Variants in LZTS2 observed in about 807,000 individuals in gnomAD.
The protein encoded by LZTS2 is leucine zipper tumor suppressor 2.
Under a neutral mutation model 60.6 loss-of-function variants are expected in LZTS2, and 32 were observed. The ratio of observed to expected loss-of-function variants is 0.53; its 90% confidence interval spans 0.40 to 0.71. The LOEUF (loss-of-function observed/expected upper bound fraction) is 0.71, where lower values mean the gene tolerates loss of function less well. Among genes scored for constraint, LZTS2 ranks in the 30% least tolerant of loss-of-function variants. LZTS2 has a pLI of 0.00. For missense variants in LZTS2, 792 were observed against 901.9 expected (o/e 0.88, Z 1.56); for synonymous variants, 360 against 393.1 (o/e 0.92, Z 1.00).
chr10:101,005,871 G>T (rs917016919), intron 3 of LZTS2, among the ~76,000 whole-genome samples, 156 bp downstream of exon 4: 1 of 152,326 alleles, frequency 6.6e-6, no homozygotes, highest in East Asian at 1.9e-4. Flanking sequence ...TTTCTGGGAG[G>T]GGGGTCTCCT....
At chr10:101,005,858 C>A in intron 3 of LZTS2, 143 bp downstream of exon 4, 2 of 1,191,444 alleles carry the variant, frequency 1.7e-6, no homozygotes, top group Non-Finnish European at 2.3e-6. Flanking sequence ...TCCCCTCTGT[C>A]CCTTTCTGGG....
At chr10:101,006,818 G>A (rs1201927476) in exon 4 of LZTS2, 6 of 1,540,974 alleles carry the variant, frequency 3.9e-6, no homozygotes, top group African/African-American at 2.7e-5. Context: ...CCTCCTGGCA[G>A]AGAGTGATGA....
chr10:101,007,049 C>T (rs750206890), exon 4 of LZTS2: 1 of 1,600,766 alleles, frequency 6.2e-7, no homozygotes, highest in East Asian at 2.3e-5. Flanking sequence ...CAACCGGCAG[C>T]TAGAGCAGGA....
chr10:101,004,007 C>G, exon 2 of LZTS2: 1 of 1,613,154 alleles, frequency 6.2e-7, no homozygotes, highest in Middle Eastern at 1.7e-4. Context: ...CCTCCCCTGA[C>G]AGCAGCTCCT....
chr10:101,006,805 A>G, exon 4 of LZTS2: 1 of 1,544,128 alleles, frequency 6.5e-7, no homozygotes, highest in Non-Finnish European at 8.7e-7. Context: ...CCGCTGACCC[A>G]TTCCTCCTGG....
At chr10:101,006,369 T>G in intron 3 of LZTS2, 116 bp from the exon 5 acceptor site, 1 of 1,446,268 alleles carries the variant, frequency 6.9e-7, no homozygotes, top group Non-Finnish European at 9.1e-7. Flanking sequence ...TGTCTCCATC[T>G]GTAAAATGGG....
At chr10:101,003,036 T>G in intron 1 of LZTS2, 90 bp downstream of exon 2, 8 of 1,357,864 alleles carry the variant, frequency 5.9e-6, no homozygotes, top group Non-Finnish European at 7.9e-6. Flanking sequence ...GAGGAAAGAG[T>G]GTGGGCTCCA....
At chr10:101,004,466 G>A (rs937921362) in intron 2 of LZTS2, among the ~76,000 whole-genome samples, 1 of 152,158 alleles carries the variant, frequency 6.6e-6, no homozygotes, top group Non-Finnish European at 1.5e-5. Context: ...AGCTAAGTGT[G>A]GTGGCATGTA....
In LZTS2 at chr10:101,006,465, C is replaced by A; in HGVS notation, c.1327-20C>A. ...GGAGAACCTGTCTCACCATCCTTCC[C>A]CACTTCCTCCCACCCCCAGGTGTGC... On this transcript the variant is annotated intron_variant, in intron 3 of 3. Coordinates refer to ENST00000370220, the Ensembl canonical transcript of LZTS2. 1 of 1,597,330 alleles carries A rather than the reference C, an allele frequency of 6.3e-7. No homozygotes were observed. The highest frequency in any genetic ancestry group is 1.1e-5 in the South Asian group (1 of 88,902).
At position 101,004,086 on chromosome 10, in the gene LZTS2, G is replaced by C. The variant is rs1197563861; in HGVS notation, c.988G>C (p.Glu330Gln). The C allele has an allele frequency of 1.9e-6, 3 of 1,613,176 alleles. No individual in the cohort carries two copies. In the African/African-American group the frequency reaches 4.0e-5, roughly 22 times the overall value. The stretch of plus-strand genomic sequence containing the variant: ...TGAGGCCCTGCTGCACTGTGTCCTG[G>C]AAGGAAAGCTCCGAGACCGGGAGGC... Residue 330 changes from glutamate (E) to glutamine (Q), a missense_variant, in exon 2 of 4, where the codon GAA (glutamate) becomes CAA (glutamine). Transcript: ENST00000370220.
chr10:101,001,511 C>T (rs1031344266), exon 1 of LZTS2: 3 of 152,268 alleles, frequency 2.0e-5, no homozygotes, highest in Non-Finnish European at 2.9e-5. Flanking sequence ...TTCTTGGCCC[C>T]GCTCTGCATG....
upstream of LZTS2, chr10:100,998,605 G>A (rs1217313337): frequency 1.3e-5 from 2 of 152,266 alleles, no homozygotes; most frequent in Non-Finnish European, 2.9e-5. Flanking sequence ...AGGGGAGAAA[G>A]GCTGCCTTTG....
intron 3 of LZTS2, 38 bp downstream of exon 4, chr10:101,005,753 CAG>C (rs144275516): frequency 0.081 from 120,162 of 1,484,382 alleles, 5,239 homozygotes; most frequent in Non-Finnish European, 0.09. Flanking sequence ...CAGGGTCACA[CAG>C]GGAGAAACCC....
chr10:101,002,391 G>A (rs1852058326), exon 1 of LZTS2: 1 of 656,200 alleles, frequency 1.5e-6, no homozygotes, highest in Middle Eastern at 4.3e-4. Flanking sequence ...GAGTCTTGGT[G>A]GGGATCAGGG....
At chr10:100,998,202 G>T (rs937998407), upstream of LZTS2, 1 of 152,422 alleles carries the variant, frequency 6.6e-6, no homozygotes, top group African/African-American at 2.4e-5. Context: ...AGGGAATGAG[G>T]GAGTGGGCAG....
chr10:100,997,831 C>A (rs988619214), upstream of LZTS2, among the ~76,000 whole-genome samples: 3 of 152,242 alleles, frequency 2.0e-5, no homozygotes, highest in African/African-American at 4.8e-5. Flanking sequence ...GATAAGCCCT[C>A]TCCCGGGAAC....
At chr10:101,006,494 A>C (rs139773663) in exon 4 of LZTS2, 20 of 1,608,548 alleles carry the variant, frequency 1.2e-5, no homozygotes, top group Non-Finnish European at 1.6e-5. Flanking sequence ...GGTGTGCCAG[A>C]AATCAGGCGA....
At chr10:100,998,832 G>A (rs1459119037), upstream of LZTS2, 2 of 152,394 alleles carry the variant, frequency 1.3e-5, no homozygotes, top group African/African-American at 2.4e-5. Context: ...GGAAGCCTGT[G>A]CCCAACAGGC....
intron 1 of LZTS2, chr10:101,003,160 T>C (rs1590034939): frequency 2.4e-5 from 15 of 633,196 alleles, no homozygotes; most frequent in Middle Eastern, 8.5e-4. Context: ...GGTCAAATAA[T>C]GTATAGCATA....
Sources: allele counts gnomAD v4.1 joint callset (sites outside exome capture counted in the v4.1 genomes callset), GRCh38; gene constraint gnomAD v4.1.1; transcripts MANE v1.5; gene names NCBI Gene and HGNC (gene_info 2026-07-23, HGNC 2026-07-21).